ZMYND8: variants seen among roughly 807,000 people sequenced by gnomAD.
The protein encoded by ZMYND8 is zinc finger MYND-type containing 8.
ZMYND8 carries 37 observed loss-of-function variants against 140.8 expected under a neutral mutation model. The observed-to-expected ratio is 0.26, with a 90% CI of 0.20 to 0.35. The LOEUF (loss-of-function observed/expected upper bound fraction) is 0.35, where lower values mean the gene tolerates loss of function less well. ZMYND8 is among the 10% of genes least tolerant of loss of function. The pLI, the probability that ZMYND8 is intolerant of heterozygous loss-of-function variation, is 1.00. For missense variants in ZMYND8, 1,068 were observed against 1,570.0 expected (o/e 0.68, Z 5.40); for synonymous variants, 592 against 597.1 (o/e 0.99, Z 0.12).
intron 21 of ZMYND8, among the ~76,000 whole-genome samples, chr20:47,217,514 A>G (rs2036298316): frequency 6.6e-6 from 1 of 152,178 alleles, no homozygotes. Context: ...GTCATATTTA[A>G]TGCCAAGTTC....
chr20:47,228,409 T>C (rs1026211020), intron 17 of ZMYND8, among the ~76,000 whole-genome samples: 11 of 152,194 alleles, frequency 7.2e-5, no homozygotes, highest in Admixed American at 1.3e-4. Context: ...GGGGACTGCA[T>C]ATTATAACCT....
At chr20:47,240,330 C>T (rs945064042) in intron 14 of ZMYND8, among the ~76,000 whole-genome samples, 1 of 151,926 alleles carries the variant, frequency 6.6e-6, no homozygotes, top group Admixed American at 6.5e-5. Flanking sequence ...GCCTGGCCAA[C>T]ATAGTGAAAC....
chr20:47,238,835 T>C lies in ZMYND8; in HGVS notation c.2588A>G (p.Gln863Arg). 6.2e-7 allele frequency: 1 copy of C among 1,613,288 alleles called. No homozygotes were observed. The highest frequency in any genetic ancestry group is 1.1e-5 in the South Asian group (1 of 91,082). Residue 863 changes from glutamine to arginine, a missense_variant, in exon 15 of 23, where the codon CAG becomes CGG. Transcript: ENST00000471951. ...HMQKMQRQQQ[Q>R]QQQQNQQQQP... ...CTGCTGCTGGTTTTGCTGCTGCTGC[T>C]GCTGCTGCTGACGCTGCATCTTCTG...
intron 16 of ZMYND8, 79 bp from the exon 17 acceptor site, chr20:47,229,885 T>C (rs1299450133): frequency 7.6e-7 from 1 of 1,313,878 alleles, no homozygotes; most frequent in African/African-American, 1.5e-5. Context: ...AAAATCTATC[T>C]GTATAAAGCA....
intron 11 of ZMYND8, among the ~76,000 whole-genome samples, chr20:47,272,056 AG>A (rs11333888): frequency 0.55 from 80,545 of 146,498 alleles, 23,086 homozygotes; most frequent in African/African-American, 0.76. Context: ...TTATAAAAAA[AG>A]GGGGGGGGGA....
intron 1 of ZMYND8, chr20:47,356,280 G>C: frequency 1.4e-5 from 17 of 1,175,796 alleles, no homozygotes; most frequent in South Asian, 6.1e-5. Context: ...AGGGGTGGGA[G>C]GGGGGGAACT....
At chr20:47,307,701 G>A (rs1437312400) in intron 3 of ZMYND8, among the ~76,000 whole-genome samples, 5 of 151,984 alleles carry the variant, frequency 3.3e-5, no homozygotes, top group East Asian at 3.9e-4. Flanking sequence ...GGTGGCAGGC[G>A]CCTGTAATTC....
At chr20:47,303,265 C>G (rs1419102227) in intron 3 of ZMYND8, among the ~76,000 whole-genome samples, 1 of 152,152 alleles carries the variant, frequency 6.6e-6, no homozygotes, top group African/African-American at 2.4e-5. Flanking sequence ...GCAAGCAGAA[C>G]TATTTCCCTT....
At chr20:47,246,574 G>A in intron 13 of ZMYND8, 57 bp from the exon 14 acceptor site, 1 of 1,513,718 alleles carries the variant, frequency 6.6e-7, no homozygotes, top group South Asian at 1.3e-5. Flanking sequence ...AGAGCAGGAT[G>A]AAAAATGCAA....
At chr20:47,340,973 G>A (rs571452039) in intron 2 of ZMYND8, among the ~76,000 whole-genome samples, 2 of 152,298 alleles carry the variant, frequency 1.3e-5, no homozygotes, top group South Asian at 4.1e-4. Context: ...GTGCGAACGT[G>A]TGTTAAAGTT....
chr20:47,352,467 G>A, intron 1 of ZMYND8: 1 of 985,412 alleles, frequency 1.0e-6, no homozygotes, highest in Non-Finnish European at 1.2e-6. Context: ...CTTATCCAAT[G>A]CACAGGATAC....
At chr20:47,220,741 G>A (rs2036823277) in intron 20 of ZMYND8, among the ~76,000 whole-genome samples, 1 of 152,238 alleles carries the variant, frequency 6.6e-6, no homozygotes, top group East Asian at 1.9e-4. Context: ...ACAGTCTAAC[G>A]ATTTATCTTT....
chr20:47,280,014 C>T (rs1330752336), intron 10 of ZMYND8, among the ~76,000 whole-genome samples: 2 of 151,246 alleles, frequency 1.3e-5, no homozygotes, highest in Admixed American at 1.3e-4. Flanking sequence ...GACCCAGCTA[C>T]TTGGGAGGCT....
In ZMYND8 at chr20:47,351,915, C is replaced by T. The variant is rs1044687192; in HGVS notation, c.15-3989G>A. ...GAAAAGCTGAACCAAAGGACACCAA[C>T]AACCCAACGTTTAGAAGCTTAAAAA... On this transcript the variant is annotated intron_variant, in intron 1 of 22. Coordinates refer to ENST00000471951, the MANE Select transcript of ZMYND8 (RefSeq NM_001281775.3). The T allele has an allele frequency of 5.3e-5, 52 of 985,316 alleles. 1 individual carries two copies. Among genetic ancestry groups the T allele is most frequent in the Non-Finnish European group, 5.7e-5 (47 of 829,956 alleles). 61.0% of individuals were successfully genotyped at this position (985,316 alleles called of 1,614,324 possible). A position where few individuals can be genotyped will look rare whatever the true frequency, so the allele number is the denominator to read the frequency against.
intron 3 of ZMYND8, among the ~76,000 whole-genome samples, chr20:47,309,549 G>C (rs1287790602): frequency 6.6e-6 from 1 of 151,676 alleles, no homozygotes; most frequent in African/African-American, 2.4e-5. Flanking sequence ...CCTCGTGATC[G>C]ACCTGCCTCG....
intron 12 of ZMYND8, among the ~76,000 whole-genome samples, chr20:47,257,616 CATAT>C (rs1367508994): frequency 6.6e-6 from 1 of 151,946 alleles, no homozygotes; most frequent in Non-Finnish European, 1.5e-5. Context: ...ACCCATATAC[CATAT>C]ACTGTCATAC....
At chr20:47,267,587 C>G (rs1228642985) in intron 11 of ZMYND8, among the ~76,000 whole-genome samples, 1 of 152,130 alleles carries the variant, frequency 6.6e-6, no homozygotes, top group Non-Finnish European at 1.5e-5. Context: ...GTCTCCCCAC[C>G]ATGTGCACAG....
In ZMYND8 at chr20:47,219,348, G is replaced by A. The variant is rs188410564; in HGVS notation, c.3484+910C>T. Among the ~76,000 whole-genome samples the A allele has an allele frequency of 4.5e-3, 679 of 151,670 alleles. 4 individuals carry two copies. Among genetic ancestry groups the A allele is most frequent in the African/African-American group, 0.015 (635 of 41,394 alleles). On this transcript the variant is annotated intron_variant, in intron 21 of 22. Coordinates refer to ENST00000471951, the MANE Select transcript of ZMYND8 (RefSeq NM_001281775.3). The stretch of plus-strand genomic sequence containing the variant: ...TGGGATTACAGGCATGAGCCACTGC[G>A]CCCGGCCTACCAAAATTTTTTTAAA...
At chr20:47,318,963 A>G in intron 2 of ZMYND8, 1 of 1,351,546 alleles carries the variant, frequency 7.4e-7, no homozygotes, top group Non-Finnish European at 9.8e-7. Context: ...GCCATTGAGA[A>G]AGTGCGGCTG....
Sources: allele counts gnomAD v4.1 joint callset (sites outside exome capture counted in the v4.1 genomes callset), GRCh38; gene constraint gnomAD v4.1.1; transcripts MANE v1.5; gene names NCBI Gene and HGNC (gene_info 2026-07-23, HGNC 2026-07-21).